CDH12: variants seen among roughly 807,000 people sequenced by gnomAD.
The protein encoded by CDH12 is cadherin-12.
A neutral mutation model predicts 74.1 loss-of-function variants in CDH12; 41 were observed. The ratio of observed to expected loss-of-function variants is 0.55; its 90% CI spans 0.43 to 0.72. The LOEUF is 0.72. Among genes scored for constraint, CDH12 ranks in the 30% least tolerant of loss-of-function variants. CDH12 has a pLI of 0.00. For missense variants in CDH12, 945 were observed against 977.2 expected (o/e 0.97, Z 0.44); for synonymous variants, 399 against 355.0 (o/e 1.12, Z -1.39).
chr5:21,776,101 C>T (rs1745571882), intron 11 of CDH12, among the ~76,000 whole-genome samples: 1 of 152,156 alleles, frequency 6.6e-6, no homozygotes, highest in Non-Finnish European at 1.5e-5. Flanking sequence ...CTGGCACTTT[C>T]TCTTTCTCTT....
In CDH12 at chr5:22,126,010, A is replaced by G. The variant is rs868551091; in HGVS notation, c.-186-47148T>C. Among the ~76,000 whole-genome samples, 299 of 106,784 alleles carry G rather than the reference A, an allele frequency of 2.8e-3. 2 individuals are homozygous for G. The highest frequency in any genetic ancestry group is 0.011 in the Middle Eastern group (2 of 182). 70.1% of individuals were successfully genotyped at this position (106,784 alleles called of 152,430 possible). A position where few individuals can be genotyped will look rare whatever the true frequency, so the allele number is the denominator to read the frequency against. On this transcript the variant is annotated intron_variant, in intron 4 of 14. Transcript: ENST00000382254. ...GTATTTCATTCATTTTGGGGGGGGG[A>G]CAAATTCTACAAACTGCTTTAATAT...
chr5:22,699,647 A>T (rs1438075508), intron 1 of CDH12, among the ~76,000 whole-genome samples: 1 of 152,220 alleles, frequency 6.6e-6, no homozygotes, highest in East Asian at 1.9e-4. Context: ...TCAATAAAAC[A>T]AGAATTAATA....
chr5:22,684,852 C>A (rs1211316368), intron 1 of CDH12, among the ~76,000 whole-genome samples: 1 of 152,128 alleles, frequency 6.6e-6, no homozygotes, highest in Non-Finnish European at 1.5e-5. Flanking sequence ...AGTACAAAAG[C>A]ACATCTTAAC....
intron 1 of CDH12, among the ~76,000 whole-genome samples, chr5:22,784,015 T>G (rs1747509121): frequency 6.6e-6 from 1 of 152,136 alleles, no homozygotes; most frequent in Admixed American, 6.5e-5. Context: ...TCTCTCATAT[T>G]TTTTGTGTTG....
chr5:22,394,841 C>G (rs1282290834), intron 3 of CDH12, among the ~76,000 whole-genome samples: 5 of 152,026 alleles, frequency 3.3e-5, no homozygotes, highest in African/African-American at 1.2e-4. Context: ...GTTAAATTAT[C>G]AATTTTGGCT....
At chr5:22,545,665 C>T (rs1161027983) in intron 1 of CDH12, among the ~76,000 whole-genome samples, 3 of 152,162 alleles carry the variant, frequency 2.0e-5, no homozygotes, top group Non-Finnish European at 2.9e-5. Context: ...TCAACAATTA[C>T]ATTTTAATCC....
chr5:22,790,156 G>T (rs1215591116), intron 1 of CDH12, among the ~76,000 whole-genome samples: 1 of 152,030 alleles, frequency 6.6e-6, no homozygotes, highest in Non-Finnish European at 1.5e-5. Context: ...AAAGTGATTG[G>T]TCAGTTTATT....
At chr5:22,554,657 T>A (rs145340749) in intron 1 of CDH12, among the ~76,000 whole-genome samples, 1 of 152,210 alleles carries the variant, frequency 6.6e-6, no homozygotes, top group African/African-American at 2.4e-5. Context: ...TGTATCTTTG[T>A]CAGAGAAATT....
intron 5 of CDH12, among the ~76,000 whole-genome samples, chr5:21,976,185 A>C (rs964424699): frequency 5.9e-5 from 9 of 152,184 alleles, no homozygotes; most frequent in African/African-American, 2.2e-4. Flanking sequence ...AATTCATTCT[A>C]TATATAGAAT....
At chr5:21,765,152 G>A in intron 11 of CDH12, 53 bp from the exon 12 acceptor site, 2 of 1,385,720 alleles carry the variant, frequency 1.4e-6, no homozygotes, top group Non-Finnish European at 1.9e-6. Context: ...GTCAGTTATT[G>A]CTTCTACAAT....
At chr5:21,774,549 A>G (rs934106987) in intron 11 of CDH12, 5 of 152,130 alleles carry the variant, frequency 3.3e-5, no homozygotes, top group African/African-American at 1.2e-4. Context: ...TCATACATTC[A>G]TCTATCTTAT....
chr5:22,497,056 A>C (rs2126649239), intron 2 of CDH12, among the ~76,000 whole-genome samples: 1 of 152,290 alleles, frequency 6.6e-6, no homozygotes, highest in Non-Finnish European at 1.5e-5. Context: ...AAATGAACAT[A>C]ATGTTAATAG....
intron 6 of CDH12, among the ~76,000 whole-genome samples, chr5:21,862,967 G>A (rs1190892197): frequency 6.6e-6 from 1 of 152,046 alleles, no homozygotes; most frequent in African/African-American, 2.4e-5. Context: ...ATAGGAACAT[G>A]GGAGTCTTTG....
intron 1 of CDH12, among the ~76,000 whole-genome samples, chr5:22,738,324 G>C (rs529345094): frequency 1.3e-5 from 2 of 152,058 alleles, no homozygotes; most frequent in South Asian, 4.2e-4. Flanking sequence ...TGTTTCCTGT[G>C]GTCAGAGACA....
At chr5:21,942,029 G>A (rs1025803614) in intron 6 of CDH12, among the ~76,000 whole-genome samples, 2 of 152,062 alleles carry the variant, frequency 1.3e-5, no homozygotes, top group African/African-American at 4.8e-5. Flanking sequence ...ATATTAAGGT[G>A]GGTTATTTGG....
chr5:21,950,757 T>TTATTA (rs1554047073), intron 6 of CDH12, among the ~76,000 whole-genome samples: 1 of 137,006 alleles, frequency 7.3e-6, no homozygotes, highest in Non-Finnish European at 1.6e-5. Flanking sequence ...TAAATTTTAT[T>TTATTA]TTATTATTAT....
chr5:22,745,165 A>T (rs1425579768), intron 1 of CDH12, among the ~76,000 whole-genome samples: 1 of 152,096 alleles, frequency 6.6e-6, no homozygotes, highest in African/African-American at 2.4e-5. Context: ...AAATCACGTC[A>T]TTCTTCAAAT....
At chr5:22,011,489 A>T (rs1737289351) in intron 5 of CDH12, among the ~76,000 whole-genome samples, 1 of 152,196 alleles carries the variant, frequency 6.6e-6, no homozygotes, top group Non-Finnish European at 1.5e-5. Flanking sequence ...AATTGTGTGT[A>T]TGTCCATTTA....
At chr5:21,923,870 C>A (rs1309490940) in intron 6 of CDH12, among the ~76,000 whole-genome samples, 2 of 152,084 alleles carry the variant, frequency 1.3e-5, no homozygotes, top group Non-Finnish European at 2.9e-5. Context: ...AGGAATAAAT[C>A]AAAATTTCTC....
Sources: allele counts gnomAD v4.1 joint callset (sites outside exome capture counted in the v4.1 genomes callset), GRCh38; gene constraint gnomAD v4.1.1; transcripts MANE v1.5; gene names NCBI Gene and HGNC (gene_info 2026-07-23, HGNC 2026-07-21).